CRB1: variants seen among roughly 807,000 people sequenced by gnomAD.
The protein encoded by CRB1 is protein crumbs homolog 1.
A neutral mutation model predicts 120.0 loss-of-function variants in CRB1; 83 were observed. The observed-to-expected ratio is 0.69, with a 90% CI of 0.58 to 0.83. CRB1 has a LOEUF of 0.83. CRB1 is among the 40% of genes least tolerant of loss of function. CRB1 has a pLI of 0.00. For missense variants in CRB1, 1,699 were observed against 1,687.6 expected (o/e 1.01, Z -0.12); for synonymous variants, 625 against 612.5 (o/e 1.02, Z -0.30).
At chr1:197,333,007 C>T (rs1658952861) in intron 2 of CRB1, among the ~76,000 whole-genome samples, 1 of 152,184 alleles carries the variant, frequency 6.6e-6, no homozygotes, top group African/African-American at 2.4e-5. Context: ...CTTAGACCTC[C>T]TGATGAATCC....
intron 11 of CRB1, among the ~76,000 whole-genome samples, chr1:197,452,003 G>A (rs1035801476): frequency 2.0e-5 from 3 of 152,146 alleles, no homozygotes; most frequent in African/African-American, 7.2e-5. Context: ...CCTGATATTT[G>A]CAAGGATGCT....
At chr1:197,206,084 G>A in the CRB1 span, among the ~76,000 whole-genome samples, 52,692 of 151,804 alleles carry the variant, frequency 0.35, 11,534 homozygotes, top group East Asian at 0.76. Flanking sequence ...TTGTATTTCT[G>A]TGGTATCAGC....
intron 11 of CRB1, among the ~76,000 whole-genome samples, chr1:197,462,294 T>C (rs1342786037): frequency 6.6e-6 from 1 of 152,202 alleles, no homozygotes; most frequent in African/African-American, 2.4e-5. Context: ...ATAATACTGA[T>C]ATATCTTACA....
chr1:197,446,466 G>T (rs1414630664), intron 11 of CRB1, among the ~76,000 whole-genome samples: 1 of 152,176 alleles, frequency 6.6e-6, no homozygotes, highest in Non-Finnish European at 1.5e-5. Context: ...GAAAGATGGG[G>T]CTGTCGAAAG....
chr1:197,362,854 T>C (rs1660847230), intron 5 of CRB1, among the ~76,000 whole-genome samples: 1 of 152,180 alleles, frequency 6.6e-6, no homozygotes, highest in African/African-American at 2.4e-5. Context: ...TGCCTTTTAA[T>C]TGATGTATTT....
rs533211901 is a variant in CRB1, at chr1:197,458,089, G to C, written c.4005+15797G>C. Among the ~76,000 whole-genome samples the C allele has an allele frequency of 8.5e-5, 13 of 152,176 alleles. No individual in the cohort carries two copies. In the South Asian group the frequency reaches 2.7e-3, roughly 32 times the overall value. On this transcript the variant is annotated intron_variant, in intron 11 of 11. Coordinates refer to ENST00000367400, the MANE Select transcript of CRB1 (RefSeq NM_201253.3). ...ACCTTCCTCAGGGATCACCGAACGA[G>C]GGTTATAGACAAAAGGGAAGAAAGG...
At chr1:197,329,503 GTTCT>G (rs1658728358) in intron 2 of CRB1, among the ~76,000 whole-genome samples, 2 of 152,102 alleles carry the variant, frequency 1.3e-5, no homozygotes, top group Admixed American at 1.3e-4. Context: ...AAAAAAGCCT[GTTCT>G]TGTTTTACGT....
chr1:197,210,432 A>G, the CRB1 span, among the ~76,000 whole-genome samples: 1 of 152,216 alleles, frequency 6.6e-6, no homozygotes, highest in African/African-American at 2.4e-5. Context: ...AATTCAAGGT[A>G]GAAACCCTAA....
At chr1:197,349,018 T>C (rs1205108808) in intron 4 of CRB1, among the ~76,000 whole-genome samples, 3 of 152,206 alleles carry the variant, frequency 2.0e-5, no homozygotes, top group African/African-American at 7.2e-5. Flanking sequence ...CATTACTCAT[T>C]GACTCTCAAG....
chr1:197,352,686 C>CTTT (rs5779865), intron 4 of CRB1, among the ~76,000 whole-genome samples: 2,191 of 137,098 alleles, frequency 0.016, 67 homozygotes, highest in African/African-American at 0.057. Flanking sequence ...TTTTACTTTC[C>CTTT]TTTTTTTTTT....
intron 5 of CRB1, among the ~76,000 whole-genome samples, chr1:197,367,607 T>C (rs941340197): frequency 6.6e-6 from 1 of 152,184 alleles, no homozygotes; most frequent in African/African-American, 2.4e-5. Flanking sequence ...GAACATTTCA[T>C]TTCTATTTAT....
the CRB1 span, chr1:197,222,799 T>C: frequency 1.2e-5 from 17 of 1,422,606 alleles, 1 homozygote; most frequent in East Asian, 3.4e-4. Context: ...TCAAGCTTGG[T>C]GTCTTGTCAT....
At chr1:197,340,917 A>T (rs972861581) in intron 2 of CRB1, among the ~76,000 whole-genome samples, 6 of 152,186 alleles carry the variant, frequency 3.9e-5, no homozygotes, top group Non-Finnish European at 8.8e-5. Context: ...ACAGTTCCAC[A>T]TGGCTGGGGA....
At chr1:197,363,125 T>C (rs1334149678) in intron 5 of CRB1, among the ~76,000 whole-genome samples, 3 of 115,490 alleles carry the variant, frequency 2.6e-5, no homozygotes, top group African/African-American at 9.6e-5. Flanking sequence ...GGAATTTCAC[T>C]TCTATTTAGG....
In CRB1 at chr1:197,432,776, GT is replaced by G. The variant is rs769942158; in HGVS notation, c.2843-1923del. On this transcript the variant is annotated intron_variant, in intron 8 of 11. Coordinates refer to ENST00000367400, the MANE Select transcript of CRB1 (RefSeq NM_201253.3). ...CATAGACAGTGAATGCAGGGAGGCG[GT>G]TTTTTTAACTTGGATAGTCAGGGAA... 2.8e-4 allele frequency among the ~76,000 whole-genome samples: 42 copies of G among 152,184 alleles called. 1 individual carries two copies. The Middle Eastern group carries it at 0.017, about 62-fold the overall frequency.
chr1:197,444,484 G>C (rs1286408451), intron 11 of CRB1: 4 of 152,184 alleles, frequency 2.6e-5, no homozygotes, highest in Non-Finnish European at 4.4e-5. Context: ...GCATAAAATA[G>C]ATTATAGCCA....
chr1:197,413,848 G>T (rs1426261027), intron 5 of CRB1: 1 of 443,268 alleles, frequency 2.3e-6, no homozygotes, highest in African/African-American at 2.0e-5. Context: ...AGGTGACATT[G>T]AAGAACAAGC....
In CRB1 at chr1:197,282,205, T is replaced by C. The variant is rs117265465; in HGVS notation, c.70+13723T>C. 7.6e-4 allele frequency among the ~76,000 whole-genome samples: 116 copies of C among 151,880 alleles called. 2 individuals are homozygous for C. The East Asian group carries it at 0.022, about 29-fold the overall frequency. On this transcript the variant is annotated intron_variant, in intron 1 of 11. Transcript: ENST00000367400. The stretch of plus-strand genomic sequence containing the variant: ...TTAAAATGTATTTGTTAGTTGTTTT[T>C]TAAATAAAATTTCAGAATAATAATA...
chr1:197,412,651 G>T (rs190471055), intron 5 of CRB1, among the ~76,000 whole-genome samples: 43 of 152,146 alleles, frequency 2.8e-4, no homozygotes, highest in African/African-American at 9.9e-4. Flanking sequence ...TTCCTCCTTT[G>T]GTCCTCAAGG....
Sources: allele counts gnomAD v4.1 joint callset (sites outside exome capture counted in the v4.1 genomes callset), GRCh38; gene constraint gnomAD v4.1.1; transcripts MANE v1.5; gene names NCBI Gene and HGNC (gene_info 2026-07-23, HGNC 2026-07-21).